Variants in PAM observed in about 807,000 individuals in gnomAD.
PAM encodes peptidyl-glycine alpha-amidating monooxygenase.
Under a neutral mutation model 122.1 loss-of-function variants are expected in PAM, and 72 were observed. The ratio of observed to expected loss-of-function variants is 0.59; its 90% CI spans 0.49 to 0.72. PAM has a LOEUF of 0.72. Ranked by LOEUF, PAM falls within the 30% of genes least tolerant of loss-of-function variation. The pLI is 0.00. For missense variants in PAM, 1,106 were observed against 1,183.7 expected (o/e 0.93, Z 0.96); for synonymous variants, 389 against 404.4 (o/e 0.96, Z 0.46).
intron 22 of PAM, among the ~76,000 whole-genome samples, chr5:103,019,259 T>A (rs1782898464): frequency 6.6e-6 from 1 of 152,188 alleles, no homozygotes; most frequent in South Asian, 2.1e-4. Flanking sequence ...CATCTCCTGA[T>A]GGAAAAGCAC....
At chr5:102,940,485 CTA>C (rs146618518) in intron 7 of PAM, among the ~76,000 whole-genome samples, 58 of 144,722 alleles carry the variant, frequency 4.0e-4, no homozygotes, top group African/African-American at 1.2e-3. Context: ...GTATATAATG[CTA>C]TATATATATA....
At chr5:103,009,270 G>A (rs950309423) in intron 20 of PAM, among the ~76,000 whole-genome samples, 11 of 152,094 alleles carry the variant, frequency 7.2e-5, no homozygotes, top group African/African-American at 2.6e-4. Flanking sequence ...AATTCTAGTT[G>A]TTTAAAATCA....
At chr5:102,945,891 A>G (rs1048531844) in intron 7 of PAM, among the ~76,000 whole-genome samples, 2 of 152,158 alleles carry the variant, frequency 1.3e-5, no homozygotes, top group African/African-American at 4.8e-5. Flanking sequence ...TCAGAGACAG[A>G]TTTTATATAT....
chr5:102,856,280 G>T (rs1782596464), intron 1 of PAM, among the ~76,000 whole-genome samples: 1 of 152,108 alleles, frequency 6.6e-6, no homozygotes, highest in South Asian at 2.1e-4. Flanking sequence ...AGCTGAAGAG[G>T]TGTTTTGTGC....
At chr5:102,800,508 A>G (rs909690466) in intron 1 of PAM, among the ~76,000 whole-genome samples, 1 of 152,032 alleles carries the variant, frequency 6.6e-6, no homozygotes, top group African/African-American at 2.4e-5. Flanking sequence ...TTTTTCCTTC[A>G]TGTTATAGGT....
At chr5:102,944,596 G>A (rs942994314) in intron 7 of PAM, among the ~76,000 whole-genome samples, 62 of 152,062 alleles carry the variant, frequency 4.1e-4, no homozygotes, top group African/African-American at 1.3e-3. Context: ...CTAGGATCCC[G>A]TCGAACTGAC....
At chr5:102,857,261 G>A (rs1183929923) in intron 1 of PAM, among the ~76,000 whole-genome samples, 1 of 152,182 alleles carries the variant, frequency 6.6e-6, no homozygotes, top group Non-Finnish European at 1.5e-5. Context: ...TCTGCGGATT[G>A]CTGGCCACGT....
At chr5:102,813,250 GTT>G (rs1474803329) in intron 1 of PAM, among the ~76,000 whole-genome samples, 1 of 152,214 alleles carries the variant, frequency 6.6e-6, no homozygotes. Flanking sequence ...GGAGATGAGA[GTT>G]TTGAGATTTT....
chr5:102,967,640 A>G (rs1004711798), intron 14 of PAM, among the ~76,000 whole-genome samples: 2 of 152,142 alleles, frequency 1.3e-5, no homozygotes, highest in African/African-American at 4.8e-5. Flanking sequence ...AAATATACAG[A>G]AAGTATTTTT....
intron 14 of PAM, among the ~76,000 whole-genome samples, chr5:102,969,292 A>T (rs1488693944): frequency 2.0e-5 from 3 of 152,118 alleles, no homozygotes; most frequent in African/African-American, 7.2e-5. Flanking sequence ...AAAAAAAAGA[A>T]AAGAAAATAC....
At chr5:102,913,712 G>A (rs1459109580) in intron 4 of PAM, among the ~76,000 whole-genome samples, 2 of 152,094 alleles carry the variant, frequency 1.3e-5, no homozygotes, top group African/African-American at 2.4e-5. Context: ...GTGTGTATGT[G>A]GGTGTGATAT....
chr5:102,928,426 G>A (rs1750349541), intron 7 of PAM, among the ~76,000 whole-genome samples: 1 of 152,058 alleles, frequency 6.6e-6, no homozygotes, highest in African/African-American at 2.4e-5. Flanking sequence ...AGACAGATAA[G>A]AAATTTTAAC....
At position 102,866,255 on chromosome 5, in the gene PAM, T is replaced by G; in HGVS notation, c.60T>G (p.Ala20=). Residue 20 remains alanine (A), a synonymous_variant, in exon 2 of 26, where the codon GCT becomes GCG. Transcript: ENST00000438793. ...TTGTTTTTCCAAGCAGCTGTTTGGC[T>G]TTCCGAAGCCCACTTTCTGTCTTTA... ...VLLVFPSSCL[A]FRSPLSVFKR... 6.2e-7 allele frequency: 1 copy of G among 1,613,418 alleles called. No individual in the cohort carries two copies. The highest frequency in any genetic ancestry group is 1.3e-5 in the African/African-American group (1 of 75,048).
intron 18 of PAM, 39 bp from the exon 19 acceptor site, chr5:103,006,762 C>T (rs770639183): frequency 6.9e-7 from 1 of 1,446,242 alleles, no homozygotes; most frequent in South Asian, 1.2e-5. Flanking sequence ...CACTAATAAC[C>T]ATGAAAAGTA....
rs77142006 is a variant in PAM at position 102,813,447 on chromosome 5, C to T, written c.-373-52376C>T. On this transcript the variant is annotated intron_variant, in intron 1 of 25. Transcript: ENST00000438793. ...GTGAGCAATGGAACTAGGAAGTTAT[C>T]CTACGTCGTAACTACTCCAAAGACA... Among the ~76,000 whole-genome samples, 273 of 152,330 alleles carry T rather than the reference C, an allele frequency of 1.8e-3. 1 individual carries two copies. Among genetic ancestry groups the T allele is most frequent in the African/African-American group, 6.4e-3 (267 of 41,574 alleles).
At chr5:102,811,419 G>T (rs933566491) in intron 1 of PAM, among the ~76,000 whole-genome samples, 1 of 152,152 alleles carries the variant, frequency 6.6e-6, no homozygotes, top group Non-Finnish European at 1.5e-5. Flanking sequence ...AGTACAGACT[G>T]AATCTTCACT....
intron 25 of PAM, 71 bp downstream of exon 25, chr5:103,028,309 A>G: frequency 4.7e-6 from 5 of 1,068,602 alleles, no homozygotes; most frequent in Middle Eastern, 2.0e-4. Flanking sequence ...TTTAAAAAGC[A>G]AGGAGATATT....
chr5:102,756,655 A>G (rs434927), intron 1 of PAM, among the ~76,000 whole-genome samples: 73,435 of 151,990 alleles, frequency 0.48, 18,038 homozygotes, highest in African/African-American at 0.55. Context: ...GTTACTTTAT[A>G]AAGCAAGTAA....
At chr5:102,961,671 T>G (rs955778274) in intron 14 of PAM, among the ~76,000 whole-genome samples, 3 of 151,950 alleles carry the variant, frequency 2.0e-5, no homozygotes, top group African/African-American at 7.2e-5. Context: ...TAAGTCATTC[T>G]TCTCTGCCTT....
Sources: gnomAD v4.1 joint callset for allele counts (sites outside exome capture counted in the v4.1 genomes callset) on GRCh38, gnomAD v4.1.1 for gene constraint, MANE v1.5 for transcripts, NCBI Gene and HGNC (gene_info 2026-07-23, HGNC 2026-07-21) for gene names.